Variants in SLC8A1 observed in about 807,000 individuals in gnomAD.
SLC8A1 encodes the protein sodium/calcium exchanger 1.
SLC8A1 carries 18 observed loss-of-function variants against 68.3 expected under a neutral mutation model. The observed-to-expected ratio is 0.26, with a 90% CI of 0.18 to 0.39. SLC8A1 has a LOEUF of 0.39. SLC8A1 is among the 10% of genes least tolerant of loss of function. SLC8A1 has a pLI of 1.00. For missense variants in SLC8A1, 985 were observed against 1,156.7 expected (o/e 0.85, Z 2.15); for synonymous variants, 475 against 415.5 (o/e 1.14, Z -1.74).
chr2:40,461,490 G>A (rs1703337824), intron 1 of SLC8A1, among the ~76,000 whole-genome samples: 1 of 152,108 alleles, frequency 6.6e-6, no homozygotes, highest in African/African-American at 2.4e-5. Context: ...ACATAGAACT[G>A]ACTTGCAAGT....
intron 2 of SLC8A1, among the ~76,000 whole-genome samples, chr2:40,283,046 G>A (rs1416157763): frequency 6.6e-6 from 1 of 152,102 alleles, no homozygotes; most frequent in Non-Finnish European, 1.5e-5. Context: ...TCTTTATCAA[G>A]CCACAAATTT....
At chr2:40,420,319 AATT>A (rs1695129099) in intron 2 of SLC8A1, among the ~76,000 whole-genome samples, 1 of 151,776 alleles carries the variant, frequency 6.6e-6, no homozygotes, top group South Asian at 2.1e-4. Flanking sequence ...CCCTGATACT[AATT>A]CTTTGCTGTC....
At chr2:40,173,021 A>T (rs1433451652) in intron 4 of SLC8A1, among the ~76,000 whole-genome samples, 1 of 152,162 alleles carries the variant, frequency 6.6e-6, no homozygotes, top group Non-Finnish European at 1.5e-5. Flanking sequence ...GTGGCTACAG[A>T]GCATCCTAGT....
chr2:40,327,019 C>A (rs1471693168), intron 2 of SLC8A1, among the ~76,000 whole-genome samples: 1 of 152,084 alleles, frequency 6.6e-6, no homozygotes, highest in East Asian at 1.9e-4. Context: ...TGTAAAACAA[C>A]TTGTAACAAC....
chr2:40,433,678 T>TG (rs1698825151), intron 1 of SLC8A1, among the ~76,000 whole-genome samples: 1 of 152,270 alleles, frequency 6.6e-6, no homozygotes, highest in East Asian at 1.9e-4. Flanking sequence ...GTTAAGTACT[T>TG]GCTGAAAGTC....
intron 2 of SLC8A1, among the ~76,000 whole-genome samples, chr2:40,390,216 G>A (rs563347021): frequency 5.9e-5 from 9 of 152,176 alleles, no homozygotes; most frequent in East Asian, 1.9e-4. Flanking sequence ...TTCACCTATC[G>A]TTTCCCGTAC....
At chr2:40,162,314 A>C (rs2045825875) in intron 5 of SLC8A1, among the ~76,000 whole-genome samples, 1 of 152,194 alleles carries the variant, frequency 6.6e-6, no homozygotes, top group Non-Finnish European at 1.5e-5. Flanking sequence ...ACTGCTACAA[A>C]TTCAAAGTGC....
intron 2 of SLC8A1, among the ~76,000 whole-genome samples, chr2:40,326,209 G>A (rs990767936): frequency 6.6e-6 from 1 of 152,118 alleles, no homozygotes; most frequent in Non-Finnish European, 1.5e-5. Context: ...CGTGGAAAAG[G>A]CTACTGGGGT....
intron 2 of SLC8A1, among the ~76,000 whole-genome samples, chr2:40,201,879 T>C (rs2054437362): frequency 6.6e-6 from 1 of 151,924 alleles, no homozygotes; most frequent in African/African-American, 2.4e-5. Context: ...GGAGTTAAGA[T>C]TTTCTCAGAG....
chr2:40,340,811 G>T (rs148471642), intron 2 of SLC8A1, among the ~76,000 whole-genome samples: 319 of 152,266 alleles, frequency 2.1e-3, no homozygotes, highest in African/African-American at 7.1e-3. Flanking sequence ...AAGCCTTAGA[G>T]GCCTGAGGGT....
chr2:40,313,618 G>A (rs2074040311), intron 2 of SLC8A1, among the ~76,000 whole-genome samples: 1 of 151,800 alleles, frequency 6.6e-6, no homozygotes, highest in Non-Finnish European at 1.5e-5. Context: ...GCCCAGACTG[G>A]TCTTGAACTG....
At chr2:40,110,246 C>CCAG (rs2034476887) in exon 8 of SLC8A1, 1 of 151,964 alleles carries the variant, frequency 6.6e-6, no homozygotes, top group Admixed American at 6.5e-5. Context: ...AATTAAGCTC[C>CCAG]CAACATGAAA....
At chr2:40,140,274 T>G (rs2041297374) in intron 6 of SLC8A1, among the ~76,000 whole-genome samples, 1 of 152,176 alleles carries the variant, frequency 6.6e-6, no homozygotes, top group African/African-American at 2.4e-5. Context: ...TTTATTTGCA[T>G]TTTTCCAAAC....
chr2:40,364,854 AT>A (rs995704115), intron 2 of SLC8A1, among the ~76,000 whole-genome samples: 131 of 151,550 alleles, frequency 8.6e-4, no homozygotes, highest in African/African-American at 3.0e-3. Context: ...AAGTGCTGCA[AT>A]TTTTTTTTCT....
intron 1 of SLC8A1, among the ~76,000 whole-genome samples, chr2:40,449,157 AAAAC>A (rs1335550376): frequency 5.6e-5 from 8 of 141,602 alleles, no homozygotes; most frequent in Non-Finnish European, 9.3e-5. Flanking sequence ...TTAAAAAAAA[AAAAC>A]AAAAAACAAA....
At chr2:40,144,476 T>C (rs898105794) in intron 6 of SLC8A1, among the ~76,000 whole-genome samples, 2 of 152,138 alleles carry the variant, frequency 1.3e-5, no homozygotes, top group South Asian at 2.1e-4. Flanking sequence ...AAATGCCTTA[T>C]GGAAGAAAGT....
rs971944664 is a variant in SLC8A1, at chr2:40,429,316, G to A, written c.965C>T (p.Ala322Val). The change falls in exon 2 of 8, where the codon GCT (alanine) becomes GTT (valine). Residue 322 changes from alanine to valine, a missense_variant. Transcript: ENST00000406785. The stretch of plus-strand genomic sequence containing the variant: ...CAGAATCCTAGCCATTTCTCGCCTA[G>A]CTTCTTCATCATCTTGGTCCCTCTC... The A allele has an allele frequency of 1.2e-6, 2 of 1,613,756 alleles. No homozygotes were observed. The highest frequency in any genetic ancestry group is 1.7e-5 in the Admixed American group (1 of 59,910).
intron 4 of SLC8A1, among the ~76,000 whole-genome samples, chr2:40,171,027 C>G (rs974252583): frequency 6.6e-6 from 1 of 152,184 alleles, no homozygotes; most frequent in African/African-American, 2.4e-5. Context: ...CCTGGTTCAG[C>G]TGACTTCCAG....
chr2:40,203,426 G>A (rs2054783889), intron 2 of SLC8A1, among the ~76,000 whole-genome samples: 1 of 151,894 alleles, frequency 6.6e-6, no homozygotes, highest in African/African-American at 2.4e-5. Context: ...CCATTTACTG[G>A]ATTTGATTGC....
Sources: allele counts gnomAD v4.1 joint callset (sites outside exome capture counted in the v4.1 genomes callset), GRCh38; gene constraint gnomAD v4.1.1; transcripts MANE v1.5; gene names NCBI Gene and HGNC (gene_info 2026-07-23, HGNC 2026-07-21).